The following TBRG4 variants were observed in gnomAD, a reference collection of about 807,000 sequenced individuals.
The protein encoded by TBRG4 is FAST kinase domain-containing protein 4.
A neutral mutation model predicts 65.6 loss-of-function variants in TBRG4; 43 were observed. That is an observed-to-expected ratio of 0.66 (90% CI 0.51 to 0.85). The LOEUF is 0.85. TBRG4 is among the 40% of genes least tolerant of loss of function. TBRG4 has a pLI of 0.00. For missense variants in TBRG4, 709 were observed against 787.9 expected, an observed-to-expected ratio of 0.90 and a Z score of 1.20; for synonymous variants, 366 against 341.4, an observed-to-expected ratio of 1.07 and a Z score of -0.79.
chr7:45,110,089 A>AC (rs916710067), intron 1 of TBRG4, among the ~76,000 whole-genome samples: 14 of 151,778 alleles, frequency 9.2e-5, no homozygotes, highest in Admixed American at 2.0e-4. Context: ...GCCTACTAAA[A>AC]CCCCCCCACC....
In TBRG4 at chr7:45,109,174, C is replaced by A. The variant is rs2304694; in HGVS notation, c.64G>T (p.Ala22Ser). The change falls in exon 2 of 11, where the codon GCC becomes TCC. Residue 22 changes from alanine to serine, a missense_variant. Coordinates refer to ENST00000258770, the MANE Select transcript of TBRG4 (RefSeq NM_004749.4). ...LLREAARQAP[A>S]MAPVGRLRLA... ...CTCAGTCGGCCAACTGGAGCCATGG[C>A]AGGGGCCTGACGAGCAGCTTCTCTC... The A allele has an allele frequency of 0.17, 272,652 of 1,613,680 alleles. 24,895 individuals carry two copies. Among genetic ancestry groups the A allele is most frequent in the Admixed American group, 0.28 (16,948 of 59,978 alleles).
chr7:45,103,435 C>T lies in TBRG4; in HGVS notation c.1074G>A (p.Leu358=). ...GCAGGGTGATGTCCTGCGCTCTGTTCAGGACGTGCTGGGTGGGTCAGAAAT... is the reference window on the plus strand; with the variant it reads ...GCAGGGTGATGTCCTGCGCTCTGTTTAGGACGTGCTGGGTGGGTCAGAAAT... The part of the protein sequence containing the change: ...PLFEAFAQHV[L]NRAQDITLPH... The change falls in exon 6 of 11, where the codon CTG becomes CTA. Residue 358 remains leucine, a synonymous_variant. Transcript: ENST00000258770. 1 of 1,612,972 alleles carries T rather than the reference C, an allele frequency of 6.2e-7. No individual in the cohort carries two copies. Among genetic ancestry groups the T allele is most frequent in the Non-Finnish European group, 8.5e-7 (1 of 1,179,468 alleles).
chr7:45,109,090 G>A lies in TBRG4; in HGVS notation c.148C>T (p.Leu50Phe), dbSNP rs761371568. 2 of 1,614,184 alleles carry A rather than the reference G, an allele frequency of 1.2e-6. No homozygotes were observed. The highest frequency in any genetic ancestry group is 1.7e-6 in the Non-Finnish European group (2 of 1,180,014). The change falls in exon 2 of 11, where the codon CTC becomes TTC. Residue 50 changes from leucine (L) to phenylalanine (F), a missense_variant. By Grantham distance (22) the Leu-to-Phe change is conservative. Transcript: ENST00000258770. ...ACCGGCTCCATCAAGGAACCTGGGA[G>A]GTGGGAAATGGGTGAGGTGGCTGAG... is the stretch of plus-strand genomic sequence containing the variant. ...TSSATSPISH[L>F]PGSLMEPVEK... is the part of the protein sequence containing the mutation.
intron 3 of TBRG4, chr7:45,105,096 C>A: frequency 1.5e-6 from 1 of 670,846 alleles, no homozygotes. Context: ...AGCCAGAAGC[C>A]AGGCCTGGGC....
rs1784863729 is a variant in TBRG4, at chr7:45,104,234, G to A, written c.930C>T (p.Thr310=). 5 of 1,614,044 alleles carry A rather than the reference G, an allele frequency of 3.1e-6. No individual in the cohort carries two copies. The highest frequency in any genetic ancestry group is 4.2e-6 in the Non-Finnish European group (5 of 1,180,012). Residue 310 remains threonine, a synonymous_variant, in exon 5 of 11, where the codon ACC becomes ACT. Coordinates refer to ENST00000258770, the MANE Select transcript of TBRG4 (RefSeq NM_004749.4). The part of the protein sequence containing the change: ...YAYGKLSFHQ[T]QVSQRLATDL... ...CGGTGGCCAGGCGCTGGGACACCTG[G>A]GTCTGGTGAAAGCTGAGTTTGCCTT... is the stretch of plus-strand genomic sequence containing the variant.
Position 45,101,947 on chromosome 7 carries a change from G to A in TBRG4, c.1445C>T (p.Pro482Leu), listed in dbSNP as rs1424345489. 1 of 1,601,694 alleles carries A rather than the reference G, an allele frequency of 6.2e-7. No homozygotes were observed. The highest frequency in any genetic ancestry group is 1.3e-5 in the African/African-American group (1 of 74,124). Residue 482 changes from proline (P) to leucine (L), a missense_variant, in exon 8 of 11, where the codon CCC (proline) becomes CTC (leucine). Physicochemically the swap from Pro to Leu is moderately conservative, Grantham distance 98 (BLOSUM62 -3). Transcript: ENST00000258770. ...LLPASAVAPG[P>L]SALDRKVTPL... Reference sequence around the variant, plus strand: ...GGTCACCTTCCTGTCAAGGGCTGAGGGCCCAGGGGCCACAGCCGAGGCAGG... The same window carrying A: ...GGTCACCTTCCTGTCAAGGGCTGAGAGCCCAGGGGCCACAGCCGAGGCAGG...
At chr7:45,104,938 C>T (rs961645544) in intron 3 of TBRG4, 1 of 809,338 alleles carries the variant, frequency 1.2e-6, no homozygotes, top group Non-Finnish European at 2.2e-6. Flanking sequence ...CCCCAGGTCC[C>T]AGGGTAGGTG....
Position 45,100,427 on chromosome 7 carries a change from C to A in TBRG4, c.1795-1G>T. On this transcript the variant is annotated splice_acceptor_variant, in intron 10 of 10. Coordinates refer to ENST00000258770, the MANE Select transcript of TBRG4 (RefSeq NM_004749.4). LOFTEE classifies it high-confidence loss of function. The stretch of plus-strand genomic sequence containing the variant: ...GTTCCAGCCACTCATAGAATGGGAC[C>A]TAGAAGGAGGCAGGGGAGACAGGTC... 1 of 1,613,502 alleles carries A rather than the reference C, an allele frequency of 6.2e-7. No individual in the cohort carries two copies. The highest frequency in any genetic ancestry group is 8.5e-7 in the Non-Finnish European group (1 of 1,179,492).
At position 45,105,477 on chromosome 7, in the gene TBRG4, G is replaced by A. The variant is rs780297165; in HGVS notation, c.699C>T (p.His233=). ...TLVTVMMKVG[H]LSEPLMNRLE... is the part of the protein sequence containing the mutation. ...GGCGGTTCATTAGTGGCTCCGAGAG[G>A]TGTCCCACCTTCATCATGACGGTCA... The change falls in exon 3 of 11, where the codon CAC becomes CAT. Residue 233 remains histidine, a synonymous_variant. Coordinates refer to ENST00000258770, the MANE Select transcript of TBRG4 (RefSeq NM_004749.4). 6.2e-7 allele frequency: 1 copy of A among 1,612,850 alleles called. No homozygotes were observed. The highest frequency in any genetic ancestry group is 1.7e-5 in the Admixed American group (1 of 59,974).
chr7:45,103,603 T>C (rs973497871), intron 5 of TBRG4, 160 bp from the exon 6 acceptor site: 5 of 624,294 alleles, frequency 8.0e-6, no homozygotes, highest in South Asian at 7.8e-5. Flanking sequence ...GAGAAGGACT[T>C]ACACAGGCCC....
intron 2 of TBRG4, among the ~76,000 whole-genome samples, chr7:45,108,006 A>AT (rs1356571929): frequency 6.6e-6 from 1 of 152,190 alleles, no homozygotes. Flanking sequence ...GAATTCTGGT[A>AT]TTTTTTATAC....
chr7:45,106,519 A>G (rs906081655), intron 2 of TBRG4: 9 of 154,666 alleles, frequency 5.8e-5, no homozygotes, highest in East Asian at 3.8e-4. Flanking sequence ...AACGACATTA[A>G]AAGTTTTAGG....
At chr7:45,110,580 GA>G (rs999372732) in intron 1 of TBRG4, among the ~76,000 whole-genome samples, 2 of 150,482 alleles carry the variant, frequency 1.3e-5, no homozygotes, top group African/African-American at 4.9e-5. Context: ...GGCAGAGCTT[GA>G]AGTGAGCCGA....
At chr7:45,111,180 C>A (rs544589828) in intron 1 of TBRG4, among the ~76,000 whole-genome samples, 12 of 152,054 alleles carry the variant, frequency 7.9e-5, no homozygotes. Context: ...TTCACCATGA[C>A]CTCAAGTGAT....
In TBRG4 at chr7:45,109,066, C is replaced by T. The variant is rs756208585; in HGVS notation, c.172G>A (p.Val58Met). The T allele has an allele frequency of 5.6e-6, 9 of 1,613,948 alleles. No individual in the cohort carries two copies. Among genetic ancestry groups the T allele is most frequent in the Non-Finnish European group, 7.6e-6 (9 of 1,179,944 alleles). ...SHLPGSLMEP[V>M]EKERASTPYI... ...GGAGTAGATGCTCGTTCCTTCTCCA[C>T]CGGCTCCATCAAGGAACCTGGGAGG... Residue 58 changes from valine (V) to methionine (M), a missense_variant, in exon 2 of 11, where the codon GTG becomes ATG. By Grantham distance (21) the Val-to-Met change is conservative. Transcript: ENST00000258770.
chr7:45,100,628 T>C lies in TBRG4; in HGVS notation c.1795-202A>G, dbSNP rs192141865. Among the ~76,000 whole-genome samples, 3 of 152,346 alleles carry C rather than the reference T, an allele frequency of 2.0e-5. No individual in the cohort carries two copies. In the East Asian group the frequency reaches 5.8e-4, roughly 29 times the overall value. On this transcript the variant is annotated intron_variant, in intron 10 of 10. Transcript: ENST00000258770. ...AGGCAGTGCGGGCGGGGAGAGGTGC[T>C]AGCACTGTCAGTGCTGGAGGGGTCT...
intron 2 of TBRG4, chr7:45,106,376 G>C (rs113885365): frequency 5.7e-6 from 1 of 175,150 alleles, no homozygotes; most frequent in Non-Finnish European, 1.2e-5. Context: ...GACTTCAGCT[G>C]CAAGTAAAGC....
chr7:45,102,496 G>A lies in TBRG4; in HGVS notation c.1177-5C>T. The A allele has an allele frequency of 6.2e-7, 1 of 1,607,860 alleles. No homozygotes were observed. The highest frequency in any genetic ancestry group is 8.5e-7 in the Non-Finnish European group (1 of 1,179,740). On this transcript the variant is annotated splice_region_variant and splice_polypyrimidine_tract_variant and intron_variant, in intron 6 of 10. Coordinates refer to ENST00000258770, the MANE Select transcript of TBRG4 (RefSeq NM_004749.4). The stretch of plus-strand genomic sequence containing the variant: ...TGACCCCAGCTTCTCATGTACCTGG[G>A]CAAGGATAGAGTGTGGTGGAGAAAG...
At chr7:45,101,204 G>A (rs1005806469) in intron 10 of TBRG4, 54 bp downstream of exon 10, 3 of 1,551,096 alleles carry the variant, frequency 1.9e-6, no homozygotes, top group Non-Finnish European at 2.7e-6. Context: ...CCCCTCTCTA[G>A]CGTGGGTTGG....
Sources: allele counts gnomAD v4.1 joint callset (sites outside exome capture counted in the v4.1 genomes callset), GRCh38; gene constraint gnomAD v4.1.1; transcripts MANE v1.5; gene names NCBI Gene and HGNC (gene_info 2026-07-23, HGNC 2026-07-21).